The following EBF3 variants were observed in gnomAD, a reference collection of about 807,000 sequenced individuals.
EBF3 encodes EBF transcription factor 3.
Under a neutral mutation model 77.1 loss-of-function variants are expected in EBF3, and 18 were observed. The observed-to-expected ratio is 0.23, with a 90% CI of 0.16 to 0.35. EBF3 has a LOEUF of 0.35. Among genes scored for constraint, EBF3 ranks in the 10% least tolerant of loss-of-function variants. The probability of loss-of-function intolerance (pLI) is 1.00; values close to 1 mark genes in which losing one functional copy is unlikely to be tolerated. For synonymous variants in EBF3, 350 were observed against 343.5 expected (o/e 1.02, Z -0.21); for missense variants, 558 against 860.0 (o/e 0.65, Z 4.39).
At position 129,837,787 on chromosome 10, in the gene EBF3, TAAAC is replaced by T; in HGVS notation, c.*152_*155del. On this transcript the variant is annotated 3_prime_UTR_variant, in exon 17 of 17. Transcript: ENST00000440978. ...TTCTTAATAGTTTAAATAAAATCTT[TAAAC>T]AAAGTCTTTTGTAGCATTTCAATTG... 7 of 945,862 alleles carry T rather than the reference TAAAC, an allele frequency of 7.4e-6. No homozygotes were observed. The highest frequency in any genetic ancestry group is 1.7e-5 in the African/African-American group (1 of 60,378). 58.6% of individuals were successfully genotyped at this position (945,862 alleles called of 1,614,324 possible).
At chr10:129,860,474 T>C (rs936722952) in intron 10 of EBF3, among the ~76,000 whole-genome samples, 2 of 152,202 alleles carry the variant, frequency 1.3e-5, no homozygotes, top group Admixed American at 1.3e-4. Context: ...GAAGAGTCAA[T>C]ACCTTCACCT....
rs1337413280 is a variant in EBF3, at chr10:129,870,589, G to A, written c.782-2677C>T. On this transcript the variant is annotated intron_variant, in intron 8 of 16. Transcript: ENST00000440978. This position sits in a 1 kb window ranked among gnomAD's most constrained non-coding sequence, Gnocchi z 4.4. ...GCCACCATGACCTGTTTTTAACTCTGAGGATCCTCTCAGCTACTTGGGAGA... is the reference window on the plus strand; with the variant it reads ...GCCACCATGACCTGTTTTTAACTCTAAGGATCCTCTCAGCTACTTGGGAGA... Among the ~76,000 whole-genome samples the A allele has an allele frequency of 1.3e-5, 2 of 152,112 alleles. No homozygotes were observed. The highest frequency in any genetic ancestry group is 4.8e-5 in the African/African-American group (2 of 41,420).
Position 129,963,073 on chromosome 10 carries a change from C to T in EBF3, c.292-68G>A. The stretch of plus-strand genomic sequence containing the variant: ...CAGGCGCGGCCACCACGCTCGGTCC[C>T]CCTCCGCGACCGAGGCTCTCGGCCT... On this transcript the variant is annotated intron_variant, in intron 2 of 16. Transcript: ENST00000440978. The surrounding 1 kb of genome is among the most constrained non-coding windows in gnomAD (Gnocchi z 7.1). 1 of 1,584,856 alleles carries T rather than the reference C, an allele frequency of 6.3e-7. No homozygotes were observed. Among genetic ancestry groups the T allele is most frequent in the Non-Finnish European group, 8.7e-7 (1 of 1,153,764 alleles).
chr10:129,873,816 C>G (rs1852573903), intron 7 of EBF3, among the ~76,000 whole-genome samples: 1 of 152,198 alleles, frequency 6.6e-6, no homozygotes, highest in Admixed American at 6.5e-5. Flanking sequence ...CTCTTCAAAA[C>G]CTGCTCCACT....
rs1277595167 is a variant in EBF3, at chr10:129,935,615, C to T, written c.554+21643G>A. On this transcript the variant is annotated intron_variant, in intron 6 of 16. Transcript: ENST00000440978. This position sits in a 1 kb window ranked among gnomAD's most constrained non-coding sequence, Gnocchi z 4.2. ...GCTGGCGGGCAGCAGGCGGTGCCTC[C>T]TGATCAGGGCTGCTCATCCAGAGCC... Among the ~76,000 whole-genome samples, 2 of 152,218 alleles carry T rather than the reference C, an allele frequency of 1.3e-5. No homozygotes were observed. The highest frequency in any genetic ancestry group is 2.9e-5 in the Non-Finnish European group (2 of 68,038).
At chr10:129,906,960 A>G (rs12219196) in intron 6 of EBF3, among the ~76,000 whole-genome samples, 68,470 of 152,026 alleles carry the variant, frequency 0.45, 16,214 homozygotes, top group Admixed American at 0.52. Flanking sequence ...ACCCACCAGC[A>G]TGGCCAGAAA....
intron 8 of EBF3, among the ~76,000 whole-genome samples, chr10:129,871,246 A>G (rs1028223095): frequency 5.3e-5 from 8 of 152,222 alleles, no homozygotes; most frequent in African/African-American, 1.7e-4. Flanking sequence ...GACAAGTGAC[A>G]AGGAAAAAAA....
intron 7 of EBF3, among the ~76,000 whole-genome samples, chr10:129,874,730 G>C (rs1291828122): frequency 6.6e-6 from 1 of 152,194 alleles, no homozygotes; most frequent in East Asian, 1.9e-4. Flanking sequence ...TTGTGCGGTG[G>C]TTGCACGTGA....
intron 15 of EBF3, 98 bp downstream of exon 15, chr10:129,840,147 A>T: frequency 7.0e-7 from 1 of 1,428,646 alleles, no homozygotes; most frequent in Non-Finnish European, 9.3e-7. Context: ...TGCAGCAGTC[A>T]CAGAGGTGCC....
At chr10:129,916,553 G>A (rs1358974398) in intron 6 of EBF3, among the ~76,000 whole-genome samples, 2 of 152,228 alleles carry the variant, frequency 1.3e-5, no homozygotes, top group Admixed American at 6.5e-5. Flanking sequence ...GAGCAGTGGA[G>A]TTGAAGGCAC....
chr10:129,844,353 T>C (rs200471829), intron 11 of EBF3, among the ~76,000 whole-genome samples: 1 of 152,344 alleles, frequency 6.6e-6, no homozygotes, highest in East Asian at 1.9e-4. Flanking sequence ...CCTGTGGCTG[T>C]GGCCTTCCCA....
chr10:129,945,361 G>T (rs1295946952), intron 6 of EBF3, among the ~76,000 whole-genome samples: 1 of 152,160 alleles, frequency 6.6e-6, no homozygotes, highest in African/African-American at 2.4e-5. Context: ...CTAACCGATT[G>T]CGATGGTCTA....
chr10:129,945,216 A>C (rs1336601219), intron 6 of EBF3, among the ~76,000 whole-genome samples: 5 of 147,326 alleles, frequency 3.4e-5, no homozygotes, highest in African/African-American at 1.3e-4. Flanking sequence ...TGGAGGCAGA[A>C]GCGAGAAAGG....
intron 10 of EBF3, among the ~76,000 whole-genome samples, chr10:129,850,476 C>G (rs1019210661): frequency 6.6e-6 from 1 of 152,178 alleles, no homozygotes; most frequent in Non-Finnish European, 1.5e-5. Context: ...GTCTTGAAAG[C>G]AATGCCAAGA....
chr10:129,901,741 C>G (rs1854795583), intron 6 of EBF3, among the ~76,000 whole-genome samples: 1 of 152,194 alleles, frequency 6.6e-6, no homozygotes, highest in African/African-American at 2.4e-5. Flanking sequence ...CTGTCACATG[C>G]ACCAAATATT....
At chr10:129,893,972 T>C (rs562495029) in intron 6 of EBF3, among the ~76,000 whole-genome samples, 1 of 152,276 alleles carries the variant, frequency 6.6e-6, no homozygotes, top group Admixed American at 6.5e-5. Context: ...CGCGTGCTTC[T>C]CCTACCCAAG....
intron 6 of EBF3, among the ~76,000 whole-genome samples, chr10:129,939,706 A>C (rs1857597722): frequency 6.6e-6 from 1 of 152,182 alleles, no homozygotes; most frequent in Non-Finnish European, 1.5e-5. Flanking sequence ...CATGCTTCTC[A>C]GCGATCAATG....
intron 6 of EBF3, among the ~76,000 whole-genome samples, chr10:129,917,987 G>C (rs902760099): frequency 1.1e-4 from 17 of 152,182 alleles, no homozygotes; most frequent in African/African-American, 3.6e-4. Flanking sequence ...CCAACCACTT[G>C]GTATTGACTT....
At chr10:129,890,390 G>A (rs780201045) in intron 6 of EBF3, among the ~76,000 whole-genome samples, 17 of 152,198 alleles carry the variant, frequency 1.1e-4, no homozygotes, top group Non-Finnish European at 2.1e-4. Flanking sequence ...GATCCCCAAG[G>A]CCCGGAGGGA....
Sources: gnomAD v4.1 joint callset for allele counts (sites outside exome capture counted in the v4.1 genomes callset) on GRCh38, gnomAD v4.1.1 for gene constraint, Gnocchi (gnomAD v3.1) non-coding constraint, MANE v1.5 for transcripts, NCBI Gene and HGNC (gene_info 2026-07-23, HGNC 2026-07-21) for gene names.